CHCHD3: variants seen among roughly 807,000 people sequenced by gnomAD.
CHCHD3 encodes the protein MICOS complex subunit MIC19.
A neutral mutation model predicts 38.2 loss-of-function variants in CHCHD3; 20 were observed. The observed-to-expected ratio is 0.52, with a 90% CI of 0.37 to 0.76. CHCHD3 has a LOEUF of 0.76. Among genes scored for constraint, CHCHD3 ranks in the 30% least tolerant of loss-of-function variants. The pLI is 0.00. For synonymous variants in CHCHD3, 82 were observed against 100.0 expected, an observed-to-expected ratio of 0.82 and a Z score of 1.07; for missense variants, 245 against 279.2, an observed-to-expected ratio of 0.88 and a Z score of 0.87.
intron 3 of CHCHD3, among the ~76,000 whole-genome samples, chr7:133,009,873 T>C (rs192675645): frequency 9.8e-5 from 15 of 152,296 alleles, no homozygotes; most frequent in Admixed American, 9.8e-4. Context: ...TCTGAAAGCT[T>C]AGATGATATT....
chr7:133,018,942 G>C (rs1420408803), intron 3 of CHCHD3, among the ~76,000 whole-genome samples: 1 of 132,218 alleles, frequency 7.6e-6, no homozygotes, highest in Non-Finnish European at 1.5e-5. Context: ...GGAGTGCAGT[G>C]GCGCGATCTT....
intron 6 of CHCHD3, among the ~76,000 whole-genome samples, chr7:132,811,010 A>G (rs1474780918): frequency 6.6e-6 from 1 of 151,978 alleles, no homozygotes; most frequent in African/African-American, 2.4e-5. Flanking sequence ...CTCCTCAAAA[A>G]TCTCGCCTGG....
rs185546259 is a variant in CHCHD3, at chr7:132,979,701, C to T, written c.252-4415G>A. 3.3e-3 allele frequency among the ~76,000 whole-genome samples: 496 copies of T among 152,284 alleles called. 3 individuals carry two copies. The South Asian group carries it at 0.038, about 12-fold the overall frequency. On this transcript the variant is annotated intron_variant, in intron 3 of 7. Coordinates refer to ENST00000262570, the MANE Select transcript of CHCHD3 (RefSeq NM_017812.4). ...GAAATCACCTCTGCAAAGAATTTTA[C>T]TTGCTTTCAGATTCTCTTGGAGGAC...
chr7:133,033,729 T>C (rs960681527), intron 2 of CHCHD3, among the ~76,000 whole-genome samples: 1 of 152,180 alleles, frequency 6.6e-6, no homozygotes, highest in Non-Finnish European at 1.5e-5. Flanking sequence ...CAAACATGAC[T>C]AGCTTTCTCT....
chr7:132,816,704 T>G (rs1807209245), intron 6 of CHCHD3, among the ~76,000 whole-genome samples: 1 of 152,136 alleles, frequency 6.6e-6, no homozygotes, highest in African/African-American at 2.4e-5. Context: ...GCCTGATCAC[T>G]CCAAGCCATT....
chr7:132,883,083 A>AC (rs1387106785), intron 5 of CHCHD3, among the ~76,000 whole-genome samples: 1 of 152,028 alleles, frequency 6.6e-6, no homozygotes, highest in African/African-American at 2.4e-5. Context: ...CTTCCCTTTC[A>AC]CCTTCTGCCG....
intron 2 of CHCHD3, among the ~76,000 whole-genome samples, chr7:133,065,016 A>AT (rs1814629311): frequency 6.6e-6 from 1 of 152,288 alleles, no homozygotes; most frequent in South Asian, 2.1e-4. Flanking sequence ...CCCAAAATTG[A>AT]TTTTTTAAAA....
chr7:133,036,606 A>C (rs1340169358), intron 2 of CHCHD3, among the ~76,000 whole-genome samples: 1 of 152,244 alleles, frequency 6.6e-6, no homozygotes, highest in African/African-American at 2.4e-5. Context: ...AGTATGTTTA[A>C]TAAAAGAGTC....
intron 5 of CHCHD3, among the ~76,000 whole-genome samples, chr7:132,853,609 G>A (rs946331118): frequency 9.2e-5 from 14 of 152,174 alleles, no homozygotes; most frequent in African/African-American, 1.7e-4. Flanking sequence ...GCGACAGAGC[G>A]ATATTCTGTC....
chr7:132,845,961 G>T (rs1808066701), intron 5 of CHCHD3, among the ~76,000 whole-genome samples: 1 of 151,946 alleles, frequency 6.6e-6, no homozygotes, highest in African/African-American at 2.4e-5. Context: ...AATAAAGAAG[G>T]GCATGCTATT....
intron 5 of CHCHD3, among the ~76,000 whole-genome samples, chr7:132,869,862 C>T (rs1225457313): frequency 2.0e-5 from 3 of 151,904 alleles, no homozygotes; most frequent in Admixed American, 2.0e-4. Context: ...GGATTATAGG[C>T]ATGAGCCACC....
intron 4 of CHCHD3, among the ~76,000 whole-genome samples, chr7:132,931,724 G>T (rs1375490097): frequency 6.6e-6 from 1 of 152,028 alleles, no homozygotes; most frequent in African/African-American, 2.4e-5. Flanking sequence ...TCATTTTTCT[G>T]ATTCAACATT....
At chr7:132,965,167 C>T in intron 4 of CHCHD3, among the ~76,000 whole-genome samples, 1 of 151,898 alleles carries the variant, frequency 6.6e-6, no homozygotes. Flanking sequence ...TCTGCTTTGA[C>T]CACGTGCCTA....
At chr7:132,959,331 A>C (rs1162193733) in intron 4 of CHCHD3, among the ~76,000 whole-genome samples, 2 of 152,226 alleles carry the variant, frequency 1.3e-5, no homozygotes, top group African/African-American at 4.8e-5. Context: ...CTTAATACAC[A>C]GTTGTCTGAC....
intron 4 of CHCHD3, among the ~76,000 whole-genome samples, chr7:132,921,599 T>C (rs1810264937): frequency 6.6e-6 from 1 of 151,882 alleles, no homozygotes; most frequent in Non-Finnish European, 1.5e-5. Context: ...GAGACCTTTA[T>C]TAAATACAAA....
intron 4 of CHCHD3, chr7:132,973,678 T>C: frequency 9.7e-7 from 1 of 1,025,982 alleles, no homozygotes; most frequent in Non-Finnish European, 1.2e-6. Flanking sequence ...CTGAAGAAAC[T>C]GATTCATTAC....
intron 2 of CHCHD3, among the ~76,000 whole-genome samples, chr7:133,044,655 G>C (rs1562947166): frequency 1.3e-5 from 2 of 152,196 alleles, no homozygotes; most frequent in Non-Finnish European, 2.9e-5. Context: ...CAGGCCAAAA[G>C]CTTTTGCAAG....
At chr7:133,039,733 T>C (rs1813777027) in intron 2 of CHCHD3, among the ~76,000 whole-genome samples, 1 of 152,236 alleles carries the variant, frequency 6.6e-6, no homozygotes, top group South Asian at 2.1e-4. Flanking sequence ...CTATTCTTTC[T>C]GCCCTCCAAT....
chr7:133,058,537 T>G (rs922711015), intron 2 of CHCHD3, among the ~76,000 whole-genome samples: 1 of 152,340 alleles, frequency 6.6e-6, no homozygotes, highest in East Asian at 1.9e-4. Flanking sequence ...ACAATGTTTT[T>G]GGGGGAGCTG....
Sources: allele counts gnomAD v4.1 joint callset (sites outside exome capture counted in the v4.1 genomes callset), GRCh38; gene constraint gnomAD v4.1.1; transcripts MANE v1.5; gene names NCBI Gene and HGNC (gene_info 2026-07-23, HGNC 2026-07-21).